The following NCKAP5 variants were observed in gnomAD, a reference collection of about 807,000 sequenced individuals.
The protein encoded by NCKAP5 is nck-associated protein 5.
NCKAP5 carries 92 observed loss-of-function variants against 167.0 expected under a neutral mutation model. That is an observed-to-expected ratio of 0.55 (90% CI 0.47 to 0.66). The LOEUF is 0.66. NCKAP5 is among the 30% of genes least tolerant of loss of function. The pLI is 0.00. For synonymous variants in NCKAP5, 891 were observed against 877.4 expected (o/e 1.02, Z -0.27); for missense variants, 2,378 against 2,315.0 (o/e 1.03, Z -0.56).
intron 8 of NCKAP5, among the ~76,000 whole-genome samples, chr2:132,912,788 ACTT>A (rs1250592820): frequency 2.0e-5 from 3 of 152,148 alleles, no homozygotes; most frequent in Non-Finnish European, 2.9e-5. Flanking sequence ...ATCCCATGCC[ACTT>A]CTTCTATTGA....
chr2:133,642,524 A>G, the NCKAP5 span, among the ~76,000 whole-genome samples: 1 of 152,212 alleles, frequency 6.6e-6, no homozygotes, highest in African/African-American at 2.4e-5. Context: ...TGGGAGGGGA[A>G]GGAAAATGTG....
At chr2:133,000,889 C>A (rs566480334) in intron 6 of NCKAP5, among the ~76,000 whole-genome samples, 5 of 152,250 alleles carry the variant, frequency 3.3e-5, no homozygotes, top group African/African-American at 1.2e-4. Context: ...AGACAAAATA[C>A]TGTATGATTT....
At chr2:132,756,642 T>C (rs1296226561) in intron 16 of NCKAP5, among the ~76,000 whole-genome samples, 3 of 151,234 alleles carry the variant, frequency 2.0e-5, no homozygotes, top group East Asian at 3.9e-4. Flanking sequence ...AGGGACTGAT[T>C]TATTTAAACA....
chr2:133,477,390 C>T lies in NCKAP5; in HGVS notation c.69+40068G>A, dbSNP rs551450147. On this transcript the variant is annotated intron_variant, in intron 3 of 19. Transcript: ENST00000409261. ...CTGACTTATTTTCAGCTTGAACATT[C>T]TGCTCTATCTGCTCCAGGAAGACAG... Among the ~76,000 whole-genome samples, 55 of 152,302 alleles carry T rather than the reference C, an allele frequency of 3.6e-4. 1 individual carries two copies. Among genetic ancestry groups the T allele is most frequent in the African/African-American group, 1.3e-3 (55 of 41,546 alleles).
Position 132,782,164 on chromosome 2 carries a change from T to C in NCKAP5, c.4647A>G (p.Ser1549=), listed in dbSNP as rs372961458. The C allele has an allele frequency of 9.3e-5, 149 of 1,608,666 alleles. No homozygotes were observed. Among genetic ancestry groups the C allele is most frequent in the Non-Finnish European group, 1.1e-4 (134 of 1,178,778 alleles). Residue 1549 remains serine (S), a synonymous_variant, in exon 14 of 20, where the codon TCA becomes TCG. Transcript: ENST00000409261. The stretch of plus-strand genomic sequence containing the variant: ...GCTTCTTTTTCTCTTTTTTTCTTTC[T>C]GATTTTAGTTGTCTGTTTCCAAACC... ...VLGFGNRQLK[S]ERKKEKKKPE...
At chr2:132,922,968 C>T (rs1196817402) in intron 8 of NCKAP5, among the ~76,000 whole-genome samples, 1 of 152,212 alleles carries the variant, frequency 6.6e-6, no homozygotes, top group Non-Finnish European at 1.5e-5. Flanking sequence ...TTTAAAGCTA[C>T]TTTGCTACTA....
intron 11 of NCKAP5, among the ~76,000 whole-genome samples, chr2:132,842,667 C>T (rs1688374078): frequency 6.6e-6 from 1 of 151,994 alleles, no homozygotes; most frequent in Non-Finnish European, 1.5e-5. Flanking sequence ...CCACTTCAGC[C>T]TCCCAAGTAG....
chr2:133,605,086 TC>T, the NCKAP5 span, among the ~76,000 whole-genome samples: 2 of 152,152 alleles, frequency 1.3e-5, no homozygotes, highest in East Asian at 1.9e-4. Context: ...TTTATCTACC[TC>T]CCCGGGCTGT....
the NCKAP5 span, among the ~76,000 whole-genome samples, chr2:133,631,065 G>C: frequency 6.6e-6 from 1 of 152,064 alleles, no homozygotes; most frequent in Admixed American, 6.6e-5. Context: ...TAGATTTGAA[G>C]ATCATAAAAT....
At chr2:132,859,085 G>A (rs1689692113) in intron 11 of NCKAP5, among the ~76,000 whole-genome samples, 1 of 152,000 alleles carries the variant, frequency 6.6e-6, no homozygotes, top group South Asian at 2.1e-4. Context: ...CGGTGGTCAG[G>A]AACAGAAAAC....
intron 19 of NCKAP5, among the ~76,000 whole-genome samples, chr2:132,697,333 T>C (rs922979576): frequency 6.6e-5 from 10 of 152,222 alleles, no homozygotes; most frequent in Non-Finnish European, 1.2e-4. Context: ...GTTTACATCA[T>C]ACTTTTATAT....
At chr2:133,030,847 C>T (rs1230966216) in intron 6 of NCKAP5, among the ~76,000 whole-genome samples, 3 of 152,096 alleles carry the variant, frequency 2.0e-5, no homozygotes, top group Admixed American at 2.0e-4. Flanking sequence ...TCCAATGCAG[C>T]GGGAACCTAT....
intron 3 of NCKAP5, among the ~76,000 whole-genome samples, chr2:133,514,381 C>T (rs1328097272): frequency 6.6e-6 from 1 of 152,166 alleles, no homozygotes; most frequent in East Asian, 1.9e-4. Flanking sequence ...AACCCTCCCC[C>T]ATGCCACGTG....
At chr2:133,487,841 A>G (rs925460769) in intron 3 of NCKAP5, among the ~76,000 whole-genome samples, 1 of 152,170 alleles carries the variant, frequency 6.6e-6, no homozygotes, top group East Asian at 1.9e-4. Flanking sequence ...ACGACCACCA[A>G]ATTTCCCCTG....
At chr2:133,147,512 C>A (rs1374321772) in intron 5 of NCKAP5, among the ~76,000 whole-genome samples, 1 of 152,116 alleles carries the variant, frequency 6.6e-6, no homozygotes, top group Admixed American at 6.6e-5. Flanking sequence ...TGGAGTCACT[C>A]CTAAAATCAC....
chr2:133,510,406 T>TAC lies in NCKAP5; in HGVS notation c.69+7050_69+7051dup, dbSNP rs371300957. Among the ~76,000 whole-genome samples, 135 of 152,222 alleles carry TAC rather than the reference T, an allele frequency of 8.9e-4. 1 individual carries two copies. Among genetic ancestry groups the TAC allele is most frequent in the African/African-American group, 3.0e-3 (123 of 41,540 alleles). Reference sequence around the variant, plus strand: ...ATGTGTGTACACACACACATGCACGTACACACACACACTATTATAAATCGC... The same window carrying TAC: ...ATGTGTGTACACACACACATGCACGTACACACACACACACTATTATAAATCGC... On this transcript the variant is annotated intron_variant, in intron 3 of 19. Transcript: ENST00000409261.
chr2:133,211,171 A>C (rs1361214228), intron 5 of NCKAP5, among the ~76,000 whole-genome samples: 1 of 151,546 alleles, frequency 6.6e-6, no homozygotes, highest in Non-Finnish European at 1.5e-5. Context: ...AAACTCCTTC[A>C]CCTACTTCAG....
chr2:133,095,296 G>A (rs1045885390), intron 6 of NCKAP5, among the ~76,000 whole-genome samples: 1 of 152,148 alleles, frequency 6.6e-6, no homozygotes, highest in African/African-American at 2.4e-5. Context: ...CATAGTATGT[G>A]GTAAACCATT....
At chr2:133,470,069 TGGA>T (rs1464339102) in intron 3 of NCKAP5, among the ~76,000 whole-genome samples, 2 of 152,142 alleles carry the variant, frequency 1.3e-5, no homozygotes, top group Non-Finnish European at 2.9e-5. Flanking sequence ...TGCGTTCCTT[TGGA>T]GGAGGAGAGG....
Sources: gnomAD v4.1 joint callset for allele counts (sites outside exome capture counted in the v4.1 genomes callset) on GRCh38, gnomAD v4.1.1 for gene constraint, MANE v1.5 for transcripts, NCBI Gene and HGNC (gene_info 2026-07-23, HGNC 2026-07-21) for gene names.